Variants in MIR2052HG observed in about 807,000 individuals in gnomAD.
MIR2052HG encodes the protein MIR2052 host gene.
At chr8:74,681,054 G>A (rs913220756) in intron 2 of MIR2052HG, among the ~76,000 whole-genome samples, 2 of 124,954 alleles carry the variant, frequency 1.6e-5, no homozygotes, top group African/African-American at 3.0e-5. Flanking sequence ...CACACTCTGG[G>A]GACTGTTGTG....
intron 2 of MIR2052HG, among the ~76,000 whole-genome samples, chr8:74,641,898 C>T (rs1238360611): frequency 1.3e-5 from 2 of 152,072 alleles, no homozygotes; most frequent in African/African-American, 4.8e-5. Flanking sequence ...GATATATTGT[C>T]TCAGCCCAGG....
chr8:74,618,746 C>T (rs538694834), intron 2 of MIR2052HG, among the ~76,000 whole-genome samples: 5 of 152,220 alleles, frequency 3.3e-5, no homozygotes, highest in East Asian at 3.9e-4. Context: ...GACAAAGATG[C>T]GCACTCTCAC....
chr8:74,602,593 C>T (rs1163727004), intron 1 of MIR2052HG, among the ~76,000 whole-genome samples: 1 of 151,354 alleles, frequency 6.6e-6, no homozygotes, highest in Non-Finnish European at 1.5e-5. Context: ...CTCTCTGCAA[C>T]CTCTGCCTCC....
intron 4 of MIR2052HG, among the ~76,000 whole-genome samples, chr8:74,743,098 A>C (rs1809849216): frequency 6.6e-6 from 1 of 152,050 alleles, no homozygotes; most frequent in African/African-American, 2.4e-5. Flanking sequence ...AAAAAACACC[A>C]AAAAACAAAA....
At chr8:74,678,518 G>T (rs1809080435) in intron 2 of MIR2052HG, among the ~76,000 whole-genome samples, 1 of 133,002 alleles carries the variant, frequency 7.5e-6, no homozygotes. Context: ...AGCTGAGATT[G>T]TGCCATTGCA....
chr8:74,642,120 A>T (rs1808644630), intron 2 of MIR2052HG, among the ~76,000 whole-genome samples: 1 of 152,140 alleles, frequency 6.6e-6, no homozygotes, highest in Admixed American at 6.6e-5. Flanking sequence ...CATTTTAAAT[A>T]TGAAGGCTCT....
chr8:74,719,603 T>G (rs1809553636), intron 4 of MIR2052HG, among the ~76,000 whole-genome samples: 1 of 152,138 alleles, frequency 6.6e-6, no homozygotes, highest in East Asian at 1.9e-4. Context: ...CTGAAATCAC[T>G]GATCTTTTAT....
chr8:74,603,065 A>G (rs1182518271), intron 1 of MIR2052HG, among the ~76,000 whole-genome samples: 2 of 149,476 alleles, frequency 1.3e-5, no homozygotes, highest in Non-Finnish European at 1.5e-5. Flanking sequence ...AATCCCAGGT[A>G]GAAGCTTATA....
At chr8:74,684,328 G>A (rs1809157119) in intron 2 of MIR2052HG, among the ~76,000 whole-genome samples, 1 of 151,896 alleles carries the variant, frequency 6.6e-6, no homozygotes, top group Admixed American at 6.6e-5. Context: ...AATATCATAG[G>A]CATGCAAAAA....
chr8:74,737,978 C>CTATGTATG (rs572233517), intron 4 of MIR2052HG, among the ~76,000 whole-genome samples: 42 of 151,516 alleles, frequency 2.8e-4, no homozygotes, highest in African/African-American at 7.0e-4. Flanking sequence ...TATCTATTAT[C>CTATGTATG]TATGTATGTA....
At chr8:74,682,375 T>C (rs1183507878) in intron 2 of MIR2052HG, among the ~76,000 whole-genome samples, 1 of 152,092 alleles carries the variant, frequency 6.6e-6, no homozygotes, top group Non-Finnish European at 1.5e-5. Flanking sequence ...CTGAAAAGTA[T>C]ATTTCTGAGA....
chr8:74,747,823 C>A (rs775308780), intron 4 of MIR2052HG, among the ~76,000 whole-genome samples: 3 of 152,150 alleles, frequency 2.0e-5, no homozygotes, highest in Non-Finnish European at 4.4e-5. Context: ...ATGTCCTTTT[C>A]AATCTATAAT....
At chr8:74,715,399 C>G (rs1382218207) in intron 4 of MIR2052HG, among the ~76,000 whole-genome samples, 1 of 152,168 alleles carries the variant, frequency 6.6e-6, no homozygotes, top group Non-Finnish European at 1.5e-5. Flanking sequence ...AAAGTACCTT[C>G]TGCCTAATTG....
chr8:74,629,660 G>A (rs1366048796), intron 2 of MIR2052HG, among the ~76,000 whole-genome samples: 1 of 152,102 alleles, frequency 6.6e-6, no homozygotes, highest in Non-Finnish European at 1.5e-5. Context: ...GCCTTTTGCA[G>A]CCAACACTCA....
chr8:74,666,750 C>T (rs931455090), intron 2 of MIR2052HG, among the ~76,000 whole-genome samples: 1 of 152,216 alleles, frequency 6.6e-6, no homozygotes, highest in East Asian at 1.9e-4. Context: ...CTCCCACCAA[C>T]AGTGTAAGAA....
intron 2 of MIR2052HG, among the ~76,000 whole-genome samples, chr8:74,638,250 A>G (rs1176618701): frequency 6.6e-6 from 1 of 152,148 alleles, no homozygotes; most frequent in Non-Finnish European, 1.5e-5. Flanking sequence ...TCTTCAAATA[A>G]TTGTGACAAA....
chr8:74,664,769 C>T (rs1166086019), intron 2 of MIR2052HG, among the ~76,000 whole-genome samples: 1 of 152,208 alleles, frequency 6.6e-6, no homozygotes, highest in Non-Finnish European at 1.5e-5. Flanking sequence ...TCGCCCACCT[C>T]AGCCTCTCAA....
At chr8:74,625,013 G>A (rs1014428089) in intron 2 of MIR2052HG, among the ~76,000 whole-genome samples, 1 of 151,974 alleles carries the variant, frequency 6.6e-6, no homozygotes, top group East Asian at 1.9e-4. Flanking sequence ...TAAAAATTGT[G>A]ATTATTATTA....
At chr8:74,747,058 T>G (rs561770948) in intron 4 of MIR2052HG, among the ~76,000 whole-genome samples, 70 of 152,280 alleles carry the variant, frequency 4.6e-4, no homozygotes, top group African/African-American at 1.6e-3. Flanking sequence ...TAAGAGTCAC[T>G]TAATCTAGTT....
Sources: gnomAD v4.1 joint callset for allele counts (sites outside exome capture counted in the v4.1 genomes callset) on GRCh38, gnomAD v4.1.1 for gene constraint, MANE v1.5 for transcripts, NCBI Gene and HGNC (gene_info 2026-07-23, HGNC 2026-07-21) for gene names.